Variants in RBFOX1 observed in about 807,000 individuals in gnomAD.
The protein encoded by RBFOX1 is RNA binding fox-1 homolog 1, also known as RNA binding protein fox-1 homolog 1.
In RBFOX1, 8 loss-of-function variants were observed where a neutral mutation model predicts 57.7. The observed-to-expected ratio is 0.14, with a 90% CI of 0.08 to 0.25. RBFOX1 has a LOEUF of 0.25. Ranked by LOEUF, RBFOX1 falls within the 10% of genes least tolerant of loss-of-function variation. The pLI is 1.00. For synonymous variants in RBFOX1, 326 were observed against 222.4 expected (o/e 1.47, Z -4.15); for missense variants, 611 against 548.5 (o/e 1.11, Z -1.14).
At chr16:6,323,066 C>T (rs1189283532) in intron 2 of RBFOX1, among the ~76,000 whole-genome samples, 1 of 152,110 alleles carries the variant, frequency 6.6e-6, no homozygotes, top group East Asian at 1.9e-4. Flanking sequence ...AGGAACTCTG[C>T]AGACCTTTTT....
intron 4 of RBFOX1, among the ~76,000 whole-genome samples, chr16:7,357,188 A>G (rs1285536057): frequency 1.3e-5 from 2 of 151,896 alleles, no homozygotes; most frequent in Non-Finnish European, 2.9e-5. Context: ...CTGCAAGCAT[A>G]CACGCAGTTT....
intron 1 of RBFOX1, among the ~76,000 whole-genome samples, chr16:5,394,746 A>C (rs1165508953): frequency 2.0e-5 from 3 of 151,928 alleles, no homozygotes; most frequent in Non-Finnish European, 2.9e-5. Context: ...ATGGGGTCTC[A>C]CCATGTTGTC....
At chr16:6,923,906 G>C (rs1336961769) in intron 3 of RBFOX1, among the ~76,000 whole-genome samples, 1 of 152,042 alleles carries the variant, frequency 6.6e-6, no homozygotes, top group African/African-American at 2.4e-5. Context: ...TGTGGTGGCT[G>C]ACACCTGTAA....
At chr16:6,286,226 T>C (rs1310282906) in intron 1 of RBFOX1, among the ~76,000 whole-genome samples, 3 of 152,180 alleles carry the variant, frequency 2.0e-5, no homozygotes, top group African/African-American at 4.8e-5. Context: ...CCCTGGTTTC[T>C]TCTCTTCTCC....
intron 4 of RBFOX1, among the ~76,000 whole-genome samples, chr16:7,108,053 A>G (rs916618274): frequency 2.6e-5 from 4 of 152,168 alleles, no homozygotes; most frequent in African/African-American, 7.2e-5. Context: ...GAAAGGATGA[A>G]TCAAGCAAAG....
chr16:5,766,747 G>T (rs1276534087), intron 3 of RBFOX1, among the ~76,000 whole-genome samples: 1 of 152,094 alleles, frequency 6.6e-6, no homozygotes, highest in Non-Finnish European at 1.5e-5. Flanking sequence ...TGAGATTTGG[G>T]TGGGGACAAA....
intron 4 of RBFOX1, among the ~76,000 whole-genome samples, chr16:5,892,795 A>G (rs2058076934): frequency 6.6e-6 from 1 of 152,196 alleles, no homozygotes; most frequent in African/African-American, 2.4e-5. Context: ...CCAAGTAGTA[A>G]GAGAGCATGG....
At chr16:6,770,561 A>G (rs1303716595) in intron 3 of RBFOX1, among the ~76,000 whole-genome samples, 4 of 151,860 alleles carry the variant, frequency 2.6e-5, no homozygotes, top group Non-Finnish European at 2.9e-5. Context: ...TCGTCAACCT[A>G]GGGAATCTCA....
intron 2 of RBFOX1, among the ~76,000 whole-genome samples, chr16:5,468,653 A>G (rs1326176788): frequency 6.6e-6 from 1 of 152,260 alleles, no homozygotes. Context: ...AATAGCTGAC[A>G]TGTCCAAATA....
chr16:7,347,306 G>A (rs1244859090), intron 4 of RBFOX1, among the ~76,000 whole-genome samples: 1 of 152,162 alleles, frequency 6.6e-6, no homozygotes, highest in African/African-American at 2.4e-5. Flanking sequence ...TGGCTGGGGA[G>A]CCCTCACAAT....
intron 2 of RBFOX1, among the ~76,000 whole-genome samples, chr16:6,334,474 C>T (rs1393279186): frequency 2.1e-5 from 3 of 145,796 alleles, no homozygotes; most frequent in Non-Finnish European, 4.4e-5. Flanking sequence ...TGCCACTGCA[C>T]TCCAGCCTGG....
intron 3 of RBFOX1, among the ~76,000 whole-genome samples, chr16:5,855,835 A>G (rs993921352): frequency 1.4e-4 from 22 of 151,932 alleles, no homozygotes; most frequent in African/African-American, 5.3e-4. Context: ...AACAATATTT[A>G]TTAATCCTAT....
At chr16:5,810,417 G>C (rs1412530225) in intron 3 of RBFOX1, among the ~76,000 whole-genome samples, 3 of 152,174 alleles carry the variant, frequency 2.0e-5, no homozygotes, top group African/African-American at 7.2e-5. Flanking sequence ...CCTGATCTTG[G>C]ACTTTTAGTC....
intron 3 of RBFOX1, among the ~76,000 whole-genome samples, chr16:7,011,789 C>T (rs540613709): frequency 2.0e-5 from 3 of 152,334 alleles, no homozygotes; most frequent in Non-Finnish European, 4.4e-5. Flanking sequence ...GCTGGGATTA[C>T]AGGCGTGAGC....
At chr16:5,528,421 C>A (rs1047995006) in intron 2 of RBFOX1, among the ~76,000 whole-genome samples, 2 of 152,130 alleles carry the variant, frequency 1.3e-5, no homozygotes, top group Admixed American at 1.3e-4. Context: ...GTGCTTGGCA[C>A]CGGGGCCACA....
At chr16:7,484,926 T>A (rs551807226) in intron 4 of RBFOX1, among the ~76,000 whole-genome samples, 1 of 152,306 alleles carries the variant, frequency 6.6e-6, no homozygotes, top group South Asian at 2.1e-4. Flanking sequence ...AAGACATTTG[T>A]CCCAACCCAT....
chr16:6,249,400 C>G (rs1031318519), intron 1 of RBFOX1, among the ~76,000 whole-genome samples: 23 of 152,134 alleles, frequency 1.5e-4, no homozygotes, highest in African/African-American at 5.6e-4. Flanking sequence ...TTTTGGGTGC[C>G]TGTAATCCCA....
intron 3 of RBFOX1, among the ~76,000 whole-genome samples, chr16:6,844,384 C>A (rs539405813): frequency 6.6e-6 from 1 of 152,138 alleles, no homozygotes; most frequent in African/African-American, 2.4e-5. Flanking sequence ...GCCCATTGTT[C>A]TCTCCCATGT....
intron 3 of RBFOX1, among the ~76,000 whole-genome samples, chr16:5,624,174 G>A (rs368920652): frequency 4.0e-4 from 61 of 152,236 alleles, no homozygotes; most frequent in African/African-American, 1.3e-3. Context: ...TAAAAATAAG[G>A]CCTTTTAGTG....
Sources: gnomAD v4.1 joint callset for allele counts (sites outside exome capture counted in the v4.1 genomes callset) on GRCh38, gnomAD v4.1.1 for gene constraint, MANE v1.5 for transcripts, NCBI Gene and HGNC (gene_info 2026-07-23, HGNC 2026-07-21) for gene names.